Variants in UBR2 observed in about 807,000 individuals in gnomAD.
UBR2 encodes ubiquitin protein ligase E3 component n-recognin 2, also known as E3 ubiquitin-protein ligase UBR2.
Under a neutral mutation model 247.9 loss-of-function variants are expected in UBR2, and 92 were observed. That is an observed-to-expected ratio of 0.37 (90% confidence interval 0.31 to 0.44). The LOEUF (loss-of-function observed/expected upper bound fraction) is 0.44, where lower values mean the gene tolerates loss of function less well. Among genes scored for constraint, UBR2 ranks in the 20% least tolerant of loss-of-function variants. The probability of loss-of-function intolerance (pLI) is 1.00; values close to 1 mark genes in which losing one functional copy is unlikely to be tolerated. For missense variants in UBR2, 1,613 were observed against 2,112.6 expected (o/e 0.76, Z 4.64); for synonymous variants, 672 against 693.5 (o/e 0.97, Z 0.49).
chr6:42,616,120 TTA>T, intron 10 of UBR2, 30 bp downstream of exon 10: 1 of 1,505,820 alleles, frequency 6.6e-7, no homozygotes. Context: ...TGAAAATAGG[TTA>T]TATATAGAGT....
chr6:42,620,216 G>C (rs1430313308), intron 11 of UBR2: 1 of 176,968 alleles, frequency 5.7e-6, no homozygotes, highest in East Asian at 1.9e-4. Flanking sequence ...ATTCTAGTGG[G>C]ACATAGTGGT....
At chr6:42,594,113 C>A in intron 3 of UBR2, 78 bp from the exon 4 acceptor site, 1 of 1,102,012 alleles carries the variant, frequency 9.1e-7, no homozygotes, top group Non-Finnish European at 1.3e-6. Flanking sequence ...ATTTCCTTAG[C>A]ACTTGATATT....
chr6:42,659,908 T>C lies in UBR2; in HGVS notation c.3442+53T>C, dbSNP rs2151974168. On this transcript the variant is annotated intron_variant, in intron 30 of 46. Coordinates refer to ENST00000372901, the MANE Select transcript of UBR2 (RefSeq NM_001363705.2). The surrounding 1 kb of genome is among the most constrained non-coding windows in gnomAD (Gnocchi z 4.3). ...CCTTTTAATAACAACTGCCAGTTAA[T>C]GTGGTTGGTGATACGTTGAGATTTT... 11 of 1,554,482 alleles carry C rather than the reference T, an allele frequency of 7.1e-6. No homozygotes were observed. The highest frequency in any genetic ancestry group is 3.4e-5 in the South Asian group (3 of 89,004).
rs1323816376 is a variant in UBR2 at position 42,610,981 on chromosome 6, G to T, written c.865-1190G>T. ...CTGCCTCAGCCTCCTAAGTAGCTGG[G>T]ATTACAGGCATGCTCCACCACGCTC... On this transcript the variant is annotated intron_variant, in intron 7 of 46. Coordinates refer to ENST00000372901, the MANE Select transcript of UBR2 (RefSeq NM_001363705.2). Among the ~76,000 whole-genome samples, 13 of 151,268 alleles carry T rather than the reference G, an allele frequency of 8.6e-5. 1 individual carries two copies. The highest frequency in any genetic ancestry group is 1.5e-5 in the Non-Finnish European group (1 of 67,850).
At chr6:42,651,002 G>A (rs532541163) in intron 23 of UBR2, among the ~76,000 whole-genome samples, 164 of 152,078 alleles carry the variant, frequency 1.1e-3, no homozygotes, top group Non-Finnish European at 1.8e-3. Context: ...CGGGCAGATC[G>A]CTTGAGCTCA....
intron 11 of UBR2, among the ~76,000 whole-genome samples, chr6:42,621,090 A>G (rs138478096): frequency 2.5e-3 from 376 of 152,128 alleles, no homozygotes; most frequent in African/African-American, 8.8e-3. Flanking sequence ...TACTTTTTGT[A>G]TATTGTTTAA....
chr6:42,592,079 A>G, intron 2 of UBR2, 72 bp from the exon 3 acceptor site: 1 of 1,412,898 alleles, frequency 7.1e-7, no homozygotes. Context: ...ATGGATTCCA[A>G]TTTGAAATAA....
Position 42,663,323 on chromosome 6 carries a change from A to G in UBR2, c.3602A>G (p.Tyr1201Cys), listed in dbSNP as rs1393427693. Residue 1201 changes from tyrosine (Y) to cysteine (C), a missense_variant, in exon 32 of 47, where the codon TAT becomes TGT. Tyr to Cys is a radical substitution (Grantham distance 194). Around this residue, in one of 3 missense-constraint regions of UBR2, gnomAD observed 1,524 missense variants for 1,967.3 expected, o/e 0.77. Coordinates refer to ENST00000372901, the MANE Select transcript of UBR2 (RefSeq NM_001363705.2). ...RQQRLRLHTS[Y>C]DVENGEFLCP... ...CAGAGATTACGCTTACATACGAGCT[A>G]TGATGTAGAAAACGGAGAATTCCTT... The G allele has an allele frequency of 8.1e-6, 13 of 1,613,878 alleles. No individual in the cohort carries two copies. Among genetic ancestry groups the G allele is most frequent in the South Asian group, 1.1e-5 (1 of 91,054 alleles).
intron 27 of UBR2, 42 bp from the exon 28 acceptor site, chr6:42,658,198 G>T (rs768095642): frequency 6.2e-7 from 1 of 1,609,416 alleles, no homozygotes. Context: ...TGTACATTGT[G>T]ATCATATTTC....
chr6:42,564,465 C>A lies in UBR2; in HGVS notation c.78+68C>A, dbSNP rs1476436111. On this transcript the variant is annotated intron_variant, in intron 1 of 46. Coordinates refer to ENST00000372901, the MANE Select transcript of UBR2 (RefSeq NM_001363705.2). ...CCGCGCCTGTGGGGAGGAACCGACTCCTGGACGTCCTGGAGCAGCCCGACC... is the reference window on the plus strand; with the variant it reads ...CCGCGCCTGTGGGGAGGAACCGACTACTGGACGTCCTGGAGCAGCCCGACC... 1.5e-5 allele frequency: 23 copies of A among 1,528,994 alleles called. No individual in the cohort carries two copies. The South Asian group carries it at 2.2e-4, about 14-fold the overall frequency. The allele number at this position is 1,528,994 out of a possible 1,614,324, so 94.7% of individuals were successfully genotyped here.
chr6:42,574,080 A>G (rs1791344425), intron 2 of UBR2, 87 bp downstream of exon 2: 6 of 1,305,070 alleles, frequency 4.6e-6, no homozygotes, highest in Admixed American at 2.8e-5. Flanking sequence ...TTGTTTAAAA[A>G]TTATGAAATA....
At chr6:42,568,599 A>G (rs987367048) in intron 1 of UBR2, among the ~76,000 whole-genome samples, 4 of 151,946 alleles carry the variant, frequency 2.6e-5, no homozygotes, top group Non-Finnish European at 4.4e-5. Flanking sequence ...GCGTGGTGGC[A>G]GGCGCCTGTG....
intron 4 of UBR2, among the ~76,000 whole-genome samples, chr6:42,596,602 GGATA>G (rs1296721215): frequency 1.3e-5 from 2 of 152,052 alleles, no homozygotes; most frequent in African/African-American, 4.8e-5. Context: ...GTGAATGAAT[GGATA>G]AACAAATTGT....
At chr6:42,607,977 T>A (rs1793823475) in intron 7 of UBR2, among the ~76,000 whole-genome samples, 1 of 152,110 alleles carries the variant, frequency 6.6e-6, no homozygotes, top group Admixed American at 6.6e-5. Context: ...TTGCTGTAGT[T>A]CATTCATGTT....
intron 2 of UBR2, among the ~76,000 whole-genome samples, chr6:42,583,762 G>A (rs530422024): frequency 1.3e-4 from 20 of 152,044 alleles, no homozygotes; most frequent in African/African-American, 4.6e-4. Flanking sequence ...GACCTCAAAT[G>A]ATCTGCCCAC....
chr6:42,629,494 A>G (rs1582586024), intron 11 of UBR2, among the ~76,000 whole-genome samples: 1 of 152,064 alleles, frequency 6.6e-6, no homozygotes, highest in East Asian at 1.9e-4. Flanking sequence ...TCTCTACTAA[A>G]TATAGGTAAA....
In UBR2 at chr6:42,612,260, G is replaced by T; in HGVS notation, c.954G>T (p.Leu318Phe). ...VAHQNFGLKL[L>F]SWLGSIIGYS... ...ATCAGAATTTTGGTTTGAAACTTTT[G>T]TCTTGGCTGGGAAGTATTATTGGAT... Residue 318 changes from leucine to phenylalanine, a missense_variant, in exon 8 of 47, where the codon TTG (leucine) becomes TTT (phenylalanine). Around this residue, in one of 3 missense-constraint regions of UBR2, gnomAD observed 1,524 missense variants for 1,967.3 expected, o/e 0.77. Transcript: ENST00000372901. The T allele has an allele frequency of 6.5e-7, 1 of 1,535,940 alleles. No individual in the cohort carries two copies. The highest frequency in any genetic ancestry group is 2.3e-5 in the East Asian group (1 of 44,004).
chr6:42,648,941 G>C (rs182591020), intron 22 of UBR2, among the ~76,000 whole-genome samples: 2 of 152,086 alleles, frequency 1.3e-5, no homozygotes, highest in East Asian at 3.9e-4. Context: ...GTGTCTTTGG[G>C]GGGGCGGGTT....
At chr6:42,586,457 G>A (rs1277617562) in intron 2 of UBR2, among the ~76,000 whole-genome samples, 2 of 150,310 alleles carry the variant, frequency 1.3e-5, no homozygotes, top group Non-Finnish European at 3.0e-5. Flanking sequence ...GTTGTTGGAT[G>A]TAATTATTGA....
Sources: allele counts gnomAD v4.1 joint callset (sites outside exome capture counted in the v4.1 genomes callset), GRCh38; gene constraint gnomAD v4.1.1; regional missense constraint gnomAD v4.1.1; non-coding constraint Gnocchi (gnomAD v3.1); transcripts MANE v1.5; gene names NCBI Gene and HGNC (gene_info 2026-07-23, HGNC 2026-07-21).